ATP1B3: variants seen among roughly 807,000 people sequenced by gnomAD.
ATP1B3 encodes the protein ATPase Na+/K+ transporting subunit beta 3.
In ATP1B3, 10 loss-of-function variants were observed where a neutral mutation model predicts 30.2. The observed-to-expected ratio is 0.33, with a 90% CI of 0.20 to 0.56. ATP1B3 has a LOEUF of 0.56. Among genes scored for constraint, ATP1B3 ranks in the 20% least tolerant of loss-of-function variants. The pLI is 0.90. For synonymous variants in ATP1B3, 113 were observed against 117.0 expected, an observed-to-expected ratio of 0.97 and a Z score of 0.22; for missense variants, 238 against 336.7, an observed-to-expected ratio of 0.71 and a Z score of 2.29.
At chr3:141,882,911 C>CAGGTG (rs1161694576) in intron 1 of ATP1B3, among the ~76,000 whole-genome samples, 1 of 151,972 alleles carries the variant, frequency 6.6e-6, no homozygotes, top group Non-Finnish European at 1.5e-5. Flanking sequence ...GTTCTTATAA[C>CAGGTG]CACCTGCCTA....
intron 1 of ATP1B3, among the ~76,000 whole-genome samples, chr3:141,883,250 A>C (rs868835778): frequency 6.6e-6 from 1 of 152,166 alleles, no homozygotes; most frequent in Non-Finnish European, 1.5e-5. Flanking sequence ...CACTTTGGGA[A>C]GCCGAAGTGG....
At chr3:141,891,082 C>T (rs1399026850) in intron 1 of ATP1B3, among the ~76,000 whole-genome samples, 1 of 152,044 alleles carries the variant, frequency 6.6e-6, no homozygotes, top group African/African-American at 2.4e-5. Context: ...TCACTTATCC[C>T]TATATGTTGT....
chr3:141,896,115 G>A (rs1272526697), intron 1 of ATP1B3, among the ~76,000 whole-genome samples: 1 of 152,134 alleles, frequency 6.6e-6, no homozygotes, highest in Non-Finnish European at 1.5e-5. Context: ...ACTTTGGGAG[G>A]CCAGGGTGGG....
At chr3:141,914,511 T>G (rs751905799) in intron 4 of ATP1B3, among the ~76,000 whole-genome samples, 2 of 152,174 alleles carry the variant, frequency 1.3e-5, no homozygotes, top group Non-Finnish European at 2.9e-5. Context: ...ACGGCTTTTC[T>G]TGAGTCATGA....
intron 5 of ATP1B3, chr3:141,916,300 A>G (rs1215486549): frequency 2.0e-6 from 1 of 488,398 alleles, no homozygotes; most frequent in Non-Finnish European, 4.0e-6. Context: ...CAGCTCAGTA[A>G]CACTGAAATT....
chr3:141,914,259 G>T (rs1027101615), intron 4 of ATP1B3, among the ~76,000 whole-genome samples: 8 of 152,046 alleles, frequency 5.3e-5, no homozygotes, highest in African/African-American at 1.9e-4. Context: ...TAACTTTTTC[G>T]AAATAGTAGC....
intron 1 of ATP1B3, among the ~76,000 whole-genome samples, chr3:141,879,204 T>C (rs929908108): frequency 6.6e-6 from 1 of 152,204 alleles, no homozygotes; most frequent in Non-Finnish European, 1.5e-5. Context: ...TCTGAGTATA[T>C]TGTGGGCATC....
chr3:141,884,991 C>G (rs1933800711), intron 1 of ATP1B3, among the ~76,000 whole-genome samples: 1 of 152,182 alleles, frequency 6.6e-6, no homozygotes, highest in East Asian at 1.9e-4. Context: ...GCATATCCCA[C>G]AAATCTAAGA....
intron 5 of ATP1B3, among the ~76,000 whole-genome samples, chr3:141,917,336 G>A (rs147157346): frequency 9.2e-4 from 140 of 152,176 alleles, no homozygotes; most frequent in African/African-American, 3.3e-3. Context: ...AATTATATGT[G>A]TGTGACCACT....
intron 1 of ATP1B3, chr3:141,902,184 G>C (rs1316185688): frequency 3.1e-6 from 4 of 1,289,636 alleles, no homozygotes; most frequent in Admixed American, 2.3e-5. Flanking sequence ...GTGACATCCT[G>C]TTCTCCTCTC....
intron 1 of ATP1B3, among the ~76,000 whole-genome samples, chr3:141,880,975 C>T (rs1051369152): frequency 1.3e-5 from 2 of 152,116 alleles, no homozygotes; most frequent in East Asian, 1.9e-4. Flanking sequence ...GAGACTGAGG[C>T]GGGCGGATCA....
rs1934572457 is a variant in ATP1B3 at position 141,922,046 on chromosome 3, T to A, written c.652T>A (p.Tyr218Asn). 1.3e-6 allele frequency: 2 copies of A among 1,535,394 alleles called. No individual in the cohort carries two copies. The highest frequency in any genetic ancestry group is 1.8e-6 in the Non-Finnish European group (2 of 1,125,658). Residue 218 changes from tyrosine to asparagine, a missense_variant, in exon 6 of 7, where the codon TAT becomes AAT. This residue lies in a region of ATP1B3 where 58 missense variants were observed against 125.6 expected (regional missense o/e 0.46). Coordinates refer to ENST00000286371, the MANE Select transcript of ATP1B3 (RefSeq NM_001679.4). ...GMIDLKYFPY[Y>N]GKKLHVGYLQ... The stretch of plus-strand genomic sequence containing the variant: ...GATAGACTTAAAATATTTCCCATAT[T>A]ATGGGAAAAAACTGCATGTAAGTAT...
intron 1 of ATP1B3, among the ~76,000 whole-genome samples, chr3:141,896,326 A>T (rs1021070001): frequency 2.0e-4 from 30 of 151,510 alleles, no homozygotes; most frequent in Admixed American, 7.9e-4. Flanking sequence ...AAAAAAAAAA[A>T]TTTTCTTAAG....
intron 1 of ATP1B3, among the ~76,000 whole-genome samples, chr3:141,880,901 A>G (rs1331090438): frequency 6.6e-6 from 1 of 152,146 alleles, no homozygotes; most frequent in Non-Finnish European, 1.5e-5. Context: ...CCAAGGCCAG[A>G]GATTTTTTAA....
intron 1 of ATP1B3, among the ~76,000 whole-genome samples, chr3:141,897,665 C>T (rs1934092993): frequency 6.6e-6 from 1 of 152,040 alleles, no homozygotes; most frequent in Non-Finnish European, 1.5e-5. Context: ...CATATATGTG[C>T]ATACATTTTA....
At chr3:141,918,984 T>C (rs1364466391) in intron 5 of ATP1B3, 1 of 152,140 alleles carries the variant, frequency 6.6e-6, no homozygotes, top group African/African-American at 2.4e-5. Context: ...GTGGAAGAAA[T>C]GTTTGTAAAA....
rs1485118597 is a variant in ATP1B3 at position 141,925,817 on chromosome 3, G to C, written c.*116G>C. The C allele has an allele frequency of 2.3e-6, 3 of 1,281,212 alleles. No individual in the cohort carries two copies. Among genetic ancestry groups the C allele is most frequent in the Non-Finnish European group, 3.3e-6 (3 of 922,546 alleles). 79.4% of individuals were successfully genotyped at this position (1,281,212 alleles called of 1,614,324 possible). Reference sequence around the variant, plus strand: ...CCTTGGAGAAAGGTGTGTGGTACATGACATTGGGTTACATCATAACGTGCT... The same window carrying C: ...CCTTGGAGAAAGGTGTGTGGTACATCACATTGGGTTACATCATAACGTGCT... On this transcript the variant is annotated 3_prime_UTR_variant, in exon 7 of 7. Transcript: ENST00000286371.
At chr3:141,886,514 A>G (rs746152859) in intron 1 of ATP1B3, among the ~76,000 whole-genome samples, 4 of 152,178 alleles carry the variant, frequency 2.6e-5, no homozygotes, top group Non-Finnish European at 5.9e-5. Context: ...ATTAATTTTT[A>G]AAGTTTCCAG....
intron 1 of ATP1B3, chr3:141,902,233 T>TG (rs5853057): frequency 2.0e-5 from 25 of 1,280,714 alleles, no homozygotes; most frequent in Admixed American, 2.3e-5. Context: ...ACCTGGTAAT[T>TG]GGGGGGGAGG....
Sources: allele counts gnomAD v4.1 joint callset (sites outside exome capture counted in the v4.1 genomes callset), GRCh38; gene constraint gnomAD v4.1.1; regional missense constraint gnomAD v4.1.1; transcripts MANE v1.5; gene names NCBI Gene and HGNC (gene_info 2026-07-23, HGNC 2026-07-21).